TENM4: variants seen among roughly 807,000 people sequenced by gnomAD.
TENM4 encodes teneurin transmembrane protein 4.
In TENM4, 82 loss-of-function variants were observed where a neutral mutation model predicts 243.3. The ratio of observed to expected loss-of-function variants is 0.34; its 90% confidence interval spans 0.28 to 0.40. The LOEUF (loss-of-function observed/expected upper bound fraction) is 0.40. Ranked by LOEUF, TENM4 falls within the 10% of genes least tolerant of loss-of-function variation. The pLI, the probability that TENM4 is intolerant of heterozygous loss-of-function variation, is 1.00. For synonymous variants in TENM4, 1,412 were observed against 1,456.3 expected (o/e 0.97, Z 0.69); for missense variants, 3,138 against 3,673.3 (o/e 0.85, Z 3.77).
chr11:78,875,183 C>T (rs942630090), intron 9 of TENM4, among the ~76,000 whole-genome samples: 16 of 152,218 alleles, frequency 1.1e-4, no homozygotes, highest in Admixed American at 7.2e-4. Context: ...GCAGGACAGA[C>T]GGATGGATGT....
chr11:78,756,975 C>A lies in TENM4; in HGVS notation c.2586G>T (p.Leu862=). 6.2e-7 allele frequency: 1 copy of A among 1,613,970 alleles called. No individual in the cohort carries two copies. Among genetic ancestry groups the A allele is most frequent in the Non-Finnish European group, 8.5e-7 (1 of 1,179,890 alleles). ...CMDPDCCLQP[L]CHINPLCLGS... ...CAAGGCACAGCGGGTTGATATGGCA[C>A]AGGGGCTGGAGGCAGCAGTCAGGGT... The change falls in exon 19 of 34, where the codon CTG becomes CTT. Residue 862 remains leucine, a synonymous_variant. Coordinates refer to ENST00000278550, the MANE Select transcript of TENM4 (RefSeq NM_001098816.3).
chr11:78,673,505 T>C (rs551252072), intron 30 of TENM4, among the ~76,000 whole-genome samples: 15 of 152,166 alleles, frequency 9.9e-5, no homozygotes, highest in African/African-American at 3.6e-4. Flanking sequence ...GATCCCTGTG[T>C]GGTTAAAAAA....
chr11:79,234,828 C>T (rs1864433613), intron 2 of TENM4, among the ~76,000 whole-genome samples: 1 of 152,190 alleles, frequency 6.6e-6, no homozygotes, highest in Non-Finnish European at 1.5e-5. Flanking sequence ...TTGCCTGTGT[C>T]CTTGGAGTGG....
chr11:79,221,319 C>G (rs1864149771), intron 2 of TENM4, among the ~76,000 whole-genome samples: 1 of 149,286 alleles, frequency 6.7e-6, no homozygotes, highest in Non-Finnish European at 1.5e-5. Flanking sequence ...GAAGATCCAC[C>G]ACATTCCTGA....
At chr11:78,696,727 G>A (rs777629306) in intron 28 of TENM4, among the ~76,000 whole-genome samples, 15 of 152,250 alleles carry the variant, frequency 9.9e-5, no homozygotes, top group Middle Eastern at 3.4e-3. Context: ...CTCAGAGAGG[G>A]TCTCTTTCCA....
At chr11:79,263,412 T>C (rs2135329668) in intron 2 of TENM4, among the ~76,000 whole-genome samples, 1 of 152,350 alleles carries the variant, frequency 6.6e-6, no homozygotes, top group African/African-American at 2.4e-5. Flanking sequence ...GAGGTCATTA[T>C]GTACAGCACA....
intron 6 of TENM4, among the ~76,000 whole-genome samples, chr11:78,912,231 T>C (rs1465620653): frequency 6.7e-6 from 1 of 150,190 alleles, no homozygotes; most frequent in Non-Finnish European, 1.5e-5. Flanking sequence ...CCAGAGGGAG[T>C]TTCAAGGGTG....
intron 3 of TENM4, among the ~76,000 whole-genome samples, chr11:79,176,544 TA>T (rs975291005): frequency 1.9e-4 from 29 of 152,128 alleles, no homozygotes; most frequent in African/African-American, 5.1e-4. Flanking sequence ...AAAACCCAAT[TA>T]AAAAAACTAT....
chr11:78,982,933 A>T (rs1857833884), intron 6 of TENM4, among the ~76,000 whole-genome samples: 1 of 152,218 alleles, frequency 6.6e-6, no homozygotes. Context: ...TCTCCAGGGC[A>T]GCTCTCGCAG....
intron 3 of TENM4, among the ~76,000 whole-genome samples, chr11:79,215,234 G>GT (rs1301488413): frequency 1.1e-4 from 17 of 152,018 alleles, no homozygotes; most frequent in Non-Finnish European, 2.5e-4. Context: ...GTTTCCTGCT[G>GT]TTTTTTTCAT....
chr11:78,756,835 A>C lies in TENM4; in HGVS notation c.2726T>G (p.Ile909Arg). Reference protein sequence around the residue: ...KFLVGRDSTHIIPGENPFDGG... With the variant: ...KFLVGRDSTHRIPGENPFDGG... The stretch of plus-strand genomic sequence containing the variant: ...ATCAAAGGGGTTCTCCCCGGGGATT[A>C]TGTGCGTGCTGTCCCTGCCCACGAG... The change falls in exon 19 of 34, where the codon ATA becomes AGA. Residue 909 changes from isoleucine to arginine, a missense_variant. Coordinates refer to ENST00000278550, the MANE Select transcript of TENM4 (RefSeq NM_001098816.3). 6.2e-7 allele frequency: 1 copy of C among 1,613,818 alleles called. No individual in the cohort carries two copies. Among genetic ancestry groups the C allele is most frequent in the Non-Finnish European group, 8.5e-7 (1 of 1,179,840 alleles).
chr11:79,433,658 C>T (rs999982406), intron 1 of TENM4, among the ~76,000 whole-genome samples: 7 of 152,152 alleles, frequency 4.6e-5, no homozygotes, highest in African/African-American at 1.7e-4. Context: ...ACAGTGATGC[C>T]ATTGTGTAAA....
chr11:78,980,950 T>C (rs1268759560), intron 6 of TENM4, among the ~76,000 whole-genome samples: 1 of 152,208 alleles, frequency 6.6e-6, no homozygotes. Context: ...AATTAAATAA[T>C]GTATCTAAAG....
intron 3 of TENM4, among the ~76,000 whole-genome samples, chr11:79,157,385 T>G (rs1862644694): frequency 6.6e-6 from 1 of 152,158 alleles, no homozygotes; most frequent in Non-Finnish European, 1.5e-5. Flanking sequence ...TGACTTCTTT[T>G]CCTTCTCTTC....
rs564763489 is a variant in TENM4, at chr11:78,702,767, T to G, written c.4210-364A>C. 7.0e-4 allele frequency among the ~76,000 whole-genome samples: 106 copies of G among 152,262 alleles called. 1 individual carries two copies. The highest frequency in any genetic ancestry group is 2.4e-3 in the African/African-American group (99 of 41,554). On this transcript the variant is annotated intron_variant, in intron 27 of 33. Transcript: ENST00000278550. Reference sequence around the variant, plus strand: ...GCCTCTCTGAGCTTCAATAGTCACATATGGGAAATGGGAATGACAAGAGCA... The same window carrying G: ...GCCTCTCTGAGCTTCAATAGTCACAGATGGGAAATGGGAATGACAAGAGCA...
chr11:79,135,202 C>A (rs1005414047), intron 4 of TENM4, among the ~76,000 whole-genome samples: 10 of 151,962 alleles, frequency 6.6e-5, no homozygotes, highest in Admixed American at 2.0e-4. Context: ...ACAGGCAATT[C>A]TCAAAAGAAG....
intron 1 of TENM4, among the ~76,000 whole-genome samples, chr11:79,327,795 G>A (rs1856998577): frequency 6.6e-6 from 1 of 151,950 alleles, no homozygotes; most frequent in South Asian, 2.1e-4. Flanking sequence ...GTCCTCTGTG[G>A]GTGTCCTGAA....
intron 4 of TENM4, among the ~76,000 whole-genome samples, chr11:79,122,591 A>G (rs1861765657): frequency 6.6e-6 from 1 of 152,154 alleles, no homozygotes; most frequent in Non-Finnish European, 1.5e-5. Flanking sequence ...ATATGGGGTC[A>G]TGACAGTAAA....
intron 3 of TENM4, among the ~76,000 whole-genome samples, chr11:79,203,136 T>C (rs192751430): frequency 2.0e-5 from 3 of 152,312 alleles, no homozygotes; most frequent in Admixed American, 6.5e-5. Flanking sequence ...CAAATATTGA[T>C]GAAGATGTGG....
Sources: allele counts gnomAD v4.1 joint callset (sites outside exome capture counted in the v4.1 genomes callset), GRCh38; gene constraint gnomAD v4.1.1; transcripts MANE v1.5; gene names NCBI Gene and HGNC (gene_info 2026-07-23, HGNC 2026-07-21).